Variants in PACS2 observed in about 807,000 individuals in gnomAD.
PACS2 encodes the protein PACS1-like protein.
Under a neutral mutation model 113.0 loss-of-function variants are expected in PACS2, and 36 were observed. That is an observed-to-expected ratio of 0.32 (90% CI 0.24 to 0.42). The LOEUF is 0.42. PACS2 is among the 10% of genes least tolerant of loss of function. The pLI, the probability that PACS2 is intolerant of heterozygous loss-of-function variation, is 1.00. For synonymous variants in PACS2, 589 were observed against 536.1 expected (o/e 1.10, Z -1.36); for missense variants, 1,015 against 1,239.5 (o/e 0.82, Z 2.72).
intron 2 of PACS2, among the ~76,000 whole-genome samples, chr14:105,350,212 G>T (rs1566928569): frequency 6.6e-6 from 1 of 152,162 alleles, no homozygotes; most frequent in Admixed American, 6.5e-5. Context: ...CCACCAGGCC[G>T]TGAGGCTGTG....
At chr14:105,328,504 C>T (rs2059200104) in intron 1 of PACS2, among the ~76,000 whole-genome samples, 1 of 152,210 alleles carries the variant, frequency 6.6e-6, no homozygotes, top group Admixed American at 6.5e-5. Flanking sequence ...AGAACAGGGG[C>T]CCAGAGGCTG....
At chr14:105,362,235 A>G (rs12590928) in intron 4 of PACS2, among the ~76,000 whole-genome samples, 4,697 of 151,230 alleles carry the variant, frequency 0.031, 160 homozygotes, top group East Asian at 0.082. Flanking sequence ...TGGCTAACAC[A>G]GTGAAACACC....
Position 105,340,557 on chromosome 14 carries a change from A to G in PACS2, c.120-7936A>G, listed in dbSNP as rs188970337. ...TGGATCCCTCGCGTGCACAGTTACAATAGGGTTCTTCCGGAGCTCAGGTGG... is the reference window on the plus strand; with the variant it reads ...TGGATCCCTCGCGTGCACAGTTACAGTAGGGTTCTTCCGGAGCTCAGGTGG... On this transcript the variant is annotated intron_variant, in intron 1 of 24. Transcript: ENST00000447393. This position sits in a 1 kb window ranked among gnomAD's most constrained non-coding sequence, Gnocchi z 4.2. Among the ~76,000 whole-genome samples the G allele has an allele frequency of 2.9e-4, 44 of 152,296 alleles. 1 individual carries two copies. Among genetic ancestry groups the G allele is most frequent in the Admixed American group, 2.4e-3 (36 of 15,300 alleles).
chr14:105,394,500 T>TAGGGTGGGC (rs2081478794), intron 24 of PACS2, 54 bp from the exon 25 acceptor site: 3 of 1,601,390 alleles, frequency 1.9e-6, no homozygotes, highest in Admixed American at 3.3e-5. Flanking sequence ...GGCAGGTGGA[T>TAGGGTGGGC]AGGGTGGGCA....
intron 22 of PACS2, 71 bp downstream of exon 22, chr14:105,391,837 TC>T: frequency 7.0e-7 from 1 of 1,422,546 alleles, no homozygotes; most frequent in Non-Finnish European, 9.4e-7. Flanking sequence ...TCAGTCATCC[TC>T]CCCTATGTCA....
rs990827646 is a variant in PACS2, at chr14:105,324,643, G to A, written c.119+9606G>A. Among the ~76,000 whole-genome samples the A allele has an allele frequency of 2.0e-5, 3 of 152,222 alleles. No individual in the cohort carries two copies. The highest frequency in any genetic ancestry group is 2.9e-5 in the Non-Finnish European group (2 of 68,030). On this transcript the variant is annotated intron_variant, in intron 1 of 24. Coordinates refer to ENST00000447393, the MANE Select transcript of PACS2 (RefSeq NM_001100913.3). The surrounding 1 kb of genome is among the most constrained non-coding windows in gnomAD (Gnocchi z 4.7). ...TAGCAGGGTTGTGAGAGTGATGAGAGCGTGGCTGCTGGTCATGGTGCTGGG... is the reference window on the plus strand; with the variant it reads ...TAGCAGGGTTGTGAGAGTGATGAGAACGTGGCTGCTGGTCATGGTGCTGGG...
intron 4 of PACS2, among the ~76,000 whole-genome samples, chr14:105,362,510 G>A (rs1555406889): frequency 6.6e-6 from 1 of 151,874 alleles, no homozygotes; most frequent in Non-Finnish European, 1.5e-5. Context: ...AGGAATCACT[G>A]TCTATGGCAG....
chr14:105,379,760 G>A lies in PACS2; in HGVS notation c.981G>A (p.Ser327=), dbSNP rs782755781. 26 of 1,613,566 alleles carry A rather than the reference G, an allele frequency of 1.6e-5. No individual in the cohort carries two copies. The highest frequency in any genetic ancestry group is 2.2e-5 in the East Asian group (1 of 44,888). The change falls in exon 10 of 25, where the codon TCG becomes TCA. Residue 327 remains serine, a synonymous_variant. Transcript: ENST00000447393. ...CCAGGCCATACTTTGAAGGCCTGTC[G>A]CACTCGAGCTCGCAGACGGAGATTG... ...PKLRPYFEGL[S]HSSSQTEIGS...
chr14:105,382,417 C>T (rs1595154333), intron 13 of PACS2, 60 bp from the exon 14 acceptor site: 6 of 989,324 alleles, frequency 6.1e-6, no homozygotes, highest in South Asian at 3.9e-5. Flanking sequence ...CCAGGGCTGG[C>T]GTGGTGGGGA....
At chr14:105,320,388 G>A (rs2058841815) in intron 1 of PACS2, among the ~76,000 whole-genome samples, 1 of 151,606 alleles carries the variant, frequency 6.6e-6, no homozygotes, top group Admixed American at 6.6e-5. Context: ...TTTATTTTTT[G>A]AGACAGGGTC....
Position 105,391,684 on chromosome 14 carries a change from C to T in PACS2, c.2173C>T (p.Pro725Ser). ...SGSGTLSSTP[P>S]SASPAAKEAS... is the part of the protein sequence containing the mutation. ...CTCTGGCACGCTCTCCTCCACCCCG[C>T]CGTCCGCATCTCCTGCGGCCAAGGA... is the stretch of plus-strand genomic sequence containing the variant. The change falls in exon 22 of 25, where the codon CCG becomes TCG. Residue 725 changes from proline (P) to serine (S), a missense_variant. Transcript: ENST00000447393. 2 of 1,608,696 alleles carry T rather than the reference C, an allele frequency of 1.2e-6. No individual in the cohort carries two copies. Among genetic ancestry groups the T allele is most frequent in the Non-Finnish European group, 1.7e-6 (2 of 1,178,406 alleles).
At chr14:105,344,901 AG>A (rs1162224843) in intron 1 of PACS2, among the ~76,000 whole-genome samples, 2 of 151,748 alleles carry the variant, frequency 1.3e-5, no homozygotes, top group Non-Finnish European at 2.9e-5. Flanking sequence ...TGAGGTCAGG[AG>A]TTCGAGACCA....
intron 4 of PACS2, among the ~76,000 whole-genome samples, chr14:105,360,511 C>G (rs2141087999): frequency 6.7e-6 from 1 of 149,518 alleles, no homozygotes; most frequent in South Asian, 2.1e-4. Context: ...CCACTGCATT[C>G]TAGCCTGGGT....
chr14:105,328,677 C>G (rs191562644), intron 1 of PACS2, among the ~76,000 whole-genome samples: 88 of 152,338 alleles, frequency 5.8e-4, no homozygotes, highest in African/African-American at 2.0e-3. Flanking sequence ...CTCCCACACT[C>G]AGCACCTTTC....
chr14:105,313,617 G>A (rs1400783821), upstream of PACS2, among the ~76,000 whole-genome samples: 1 of 152,258 alleles, frequency 6.6e-6, no homozygotes, highest in Middle Eastern at 3.2e-3. Context: ...GGAGCTGACG[G>A]GGCACTGGGG....
At chr14:105,386,769 G>A (rs1258869321) in intron 19 of PACS2, among the ~76,000 whole-genome samples, 2 of 152,168 alleles carry the variant, frequency 1.3e-5, no homozygotes, top group Non-Finnish European at 2.9e-5. Flanking sequence ...GTAGGGCTGG[G>A]CGCTGGGAAG....
At chr14:105,362,200 C>T (rs984511627) in intron 4 of PACS2, among the ~76,000 whole-genome samples, 26 of 150,862 alleles carry the variant, frequency 1.7e-4, no homozygotes, top group East Asian at 4.0e-4. Flanking sequence ...GGGCGGATCA[C>T]GAGGTCAGGA....
At chr14:105,337,663 G>A (rs1031808663) in intron 1 of PACS2, among the ~76,000 whole-genome samples, 3 of 152,178 alleles carry the variant, frequency 2.0e-5, no homozygotes, top group African/African-American at 7.2e-5. Flanking sequence ...CGTCTTTTGG[G>A]TTCCTGTTCA....
At position 105,350,519 on chromosome 14, in the gene PACS2, G is replaced by A. The variant is rs192750452; in HGVS notation, c.208-1859G>A. On this transcript the variant is annotated intron_variant, in intron 2 of 24. Coordinates refer to ENST00000447393, the MANE Select transcript of PACS2 (RefSeq NM_001100913.3). ...TGTAGCGCATGGACTGGCTGCCCATGCCCTCCCTGCCCACCCCAGCTCAGC... is the reference window on the plus strand; with the variant it reads ...TGTAGCGCATGGACTGGCTGCCCATACCCTCCCTGCCCACCCCAGCTCAGC... 5.1e-3 allele frequency among the ~76,000 whole-genome samples: 780 copies of A among 152,202 alleles called. 15 individuals carry two copies. Among genetic ancestry groups the A allele is most frequent in the African/African-American group, 0.018 (733 of 41,536 alleles).
Sources: allele counts gnomAD v4.1 joint callset (sites outside exome capture counted in the v4.1 genomes callset), GRCh38; gene constraint gnomAD v4.1.1; non-coding constraint Gnocchi (gnomAD v3.1); transcripts MANE v1.5; gene names NCBI Gene and HGNC (gene_info 2026-07-23, HGNC 2026-07-21).